ARHGAP6: variants seen among roughly 807,000 people sequenced by gnomAD.
ARHGAP6 encodes rho GTPase-activating protein 6.
ARHGAP6 carries 16 observed loss-of-function variants against 55.7 expected under a neutral mutation model. The observed-to-expected ratio is 0.29, with a 90% CI of 0.19 to 0.44. The LOEUF (loss-of-function observed/expected upper bound fraction) is 0.44, where lower values mean the gene tolerates loss of function less well. Ranked by LOEUF, ARHGAP6 falls within the 20% of genes least tolerant of loss-of-function variation. The pLI, the probability that ARHGAP6 is intolerant of heterozygous loss-of-function variation, is 1.00. For synonymous variants in ARHGAP6, 382 were observed against 360.9 expected (o/e 1.06, Z -0.66); for missense variants, 698 against 808.9 (o/e 0.86, Z 1.66).
intron 2 of ARHGAP6, among the ~76,000 whole-genome samples, chrX:11,252,884 A>G (rs1389383056): frequency 8.9e-6 from 1 of 111,993 alleles, no homozygotes; most frequent in Non-Finnish European, 1.9e-5. Context: ...TTTCTGGTCA[A>G]AGAACTGAGC....
intron 1 of ARHGAP6, among the ~76,000 whole-genome samples, chrX:11,329,099 T>C (rs191395131): frequency 8.9e-6 from 1 of 112,005 alleles, no homozygotes; most frequent in East Asian, 2.8e-4. Flanking sequence ...ATTCGACTAA[T>C]CCCATTACAC....
Position 11,569,853 on chromosome X carries a change from C to G in ARHGAP6, c.588+94388G>C, listed in dbSNP as rs1413605695. 3.5e-4 allele frequency among the ~76,000 whole-genome samples: 39 copies of G among 112,313 alleles called. 2 individuals carry two copies. The highest frequency in any genetic ancestry group is 3.8e-5 in the Non-Finnish European group (2 of 53,317). ...TCAACAGGCATTTCTGTTGCTGCCA[C>G]AGAGTCTTCCCTCCATGGCATTTAT... On this transcript the variant is annotated intron_variant, in intron 1 of 12. Transcript: ENST00000337414.
intron 2 of ARHGAP6, among the ~76,000 whole-genome samples, chrX:11,237,303 C>G (rs1441085443): frequency 8.9e-6 from 1 of 112,332 alleles, no homozygotes; most frequent in African/African-American, 3.2e-5. Context: ...AAATTTCCAG[C>G]CTCATGGGTG....
At chrX:11,426,951 G>A (rs1251928513) in intron 1 of ARHGAP6, among the ~76,000 whole-genome samples, 1 of 110,184 alleles carries the variant, frequency 9.1e-6, no homozygotes, top group African/African-American at 3.3e-5. Context: ...GCCACCATAA[G>A]GGAGGGGGAA....
At chrX:11,269,890 G>T (rs992913087) in intron 1 of ARHGAP6, among the ~76,000 whole-genome samples, 2 of 111,723 alleles carry the variant, frequency 1.8e-5, no homozygotes, top group Non-Finnish European at 3.8e-5. Flanking sequence ...TGACCTATTT[G>T]CACGGAGAGA....
intron 1 of ARHGAP6, among the ~76,000 whole-genome samples, chrX:11,569,377 AG>A (rs1231258289): frequency 1.8e-5 from 2 of 111,804 alleles, no homozygotes; most frequent in Non-Finnish European, 3.8e-5. Flanking sequence ...TAACATGGAA[AG>A]CAAAGGAGGC....
At chrX:11,522,072 T>C (rs1269946700) in intron 1 of ARHGAP6, among the ~76,000 whole-genome samples, 2 of 111,472 alleles carry the variant, frequency 1.8e-5, no homozygotes, top group Non-Finnish European at 3.8e-5. Context: ...GAACTCAGGA[T>C]TAAGAAACTC....
chrX:11,169,869 G>A (rs187525800), intron 8 of ARHGAP6, among the ~76,000 whole-genome samples, 185 bp from the exon 9 acceptor site: 1 of 109,864 alleles, frequency 9.1e-6, no homozygotes, highest in African/African-American at 3.3e-5. Flanking sequence ...TTGGATTGAA[G>A]CTCACAGTTC....
intron 1 of ARHGAP6, among the ~76,000 whole-genome samples, chrX:11,384,737 T>C (rs1361682860): frequency 8.9e-6 from 1 of 111,945 alleles, no homozygotes; most frequent in East Asian, 2.8e-4. Flanking sequence ...CCCAGACAAA[T>C]TAAATCAGAA....
chrX:11,199,221 G>A (rs1470406709), intron 2 of ARHGAP6, among the ~76,000 whole-genome samples: 1 of 111,920 alleles, frequency 8.9e-6, no homozygotes, highest in Admixed American at 9.5e-5. Context: ...TCTAGCTTGG[G>A]GTTATTAGGA....
In ARHGAP6 at chrX:11,236,537, C is replaced by T. The variant is rs376146578; in HGVS notation, c.748+18011G>A. 6.3e-5 allele frequency among the ~76,000 whole-genome samples: 7 copies of T among 111,140 alleles called. No individual in the cohort carries two copies. The South Asian group carries it at 1.5e-3, about 25-fold the overall frequency. On this transcript the variant is annotated intron_variant, in intron 2 of 12. Coordinates refer to ENST00000337414, the MANE Select transcript of ARHGAP6 (RefSeq NM_013427.3). ...GAGCCAGATACATGAACTGGCATGC[C>T]CAAGGTAACATAGAGTTAGAGAGGG...
chrX:11,609,454 G>A (rs1048451456), intron 1 of ARHGAP6, among the ~76,000 whole-genome samples: 1 of 111,349 alleles, frequency 9.0e-6, no homozygotes, highest in Non-Finnish European at 1.9e-5. Context: ...TATTACTTGA[G>A]GGCTATTCTC....
intron 1 of ARHGAP6, among the ~76,000 whole-genome samples, chrX:11,258,601 AAT>A (rs1291533140): frequency 8.9e-6 from 1 of 112,114 alleles, no homozygotes; most frequent in Non-Finnish European, 1.9e-5. Flanking sequence ...ACAATCAAAT[AAT>A]ATATGTTTTT....
At chrX:11,495,367 C>A (rs1375532962) in intron 1 of ARHGAP6, among the ~76,000 whole-genome samples, 1 of 111,987 alleles carries the variant, frequency 8.9e-6, no homozygotes, top group African/African-American at 3.2e-5. Flanking sequence ...TATGGACACA[C>A]AACCCAATCC....
chrX:11,337,286 T>TAA (rs1308457777), intron 1 of ARHGAP6, among the ~76,000 whole-genome samples: 1 of 111,851 alleles, frequency 8.9e-6, no homozygotes, highest in Non-Finnish European at 1.9e-5. Flanking sequence ...ACTATATATA[T>TAA]AATACGTCAC....
rs928295328 is a variant in ARHGAP6, at chrX:11,536,505, T to C, written c.588+127736A>G. Among the ~76,000 whole-genome samples, 3 of 112,212 alleles carry C rather than the reference T, an allele frequency of 2.7e-5. No homozygotes were observed. In the Admixed American group the frequency reaches 2.8e-4, roughly 11 times the overall value. ...TCTCTGTCTCACACCTCCGCTCCTC[T>C]ACTTTTATTCTCCAAATAAACTCCT... On this transcript the variant is annotated intron_variant, in intron 1 of 12. Transcript: ENST00000337414.
At position 11,449,928 on chromosome X, in the gene ARHGAP6, C is replaced by T. The variant is rs778506016; in HGVS notation, c.589-195221G>A. On this transcript the variant is annotated intron_variant, in intron 1 of 12. Transcript: ENST00000337414. ...GAAGCTCCACAATGCTGCTGGGGAACACTCTAAGACACACAGGTATGATAT... is the reference window on the plus strand; with the variant it reads ...GAAGCTCCACAATGCTGCTGGGGAATACTCTAAGACACACAGGTATGATAT... Among the ~76,000 whole-genome samples the T allele has an allele frequency of 1.4e-3, 156 of 111,634 alleles. 4 individuals are homozygous for T. Among genetic ancestry groups the T allele is most frequent in the Middle Eastern group, 9.2e-3 (2 of 217 alleles).
intron 1 of ARHGAP6, among the ~76,000 whole-genome samples, chrX:11,590,263 C>A (rs2051788489): frequency 9.0e-6 from 1 of 111,451 alleles, no homozygotes; most frequent in South Asian, 3.8e-4. Flanking sequence ...TATTATAATT[C>A]TTTGTATCTC....
At chrX:11,467,968 A>G (rs1296702239) in intron 1 of ARHGAP6, among the ~76,000 whole-genome samples, 4 of 103,420 alleles carry the variant, frequency 3.9e-5, no homozygotes, top group African/African-American at 1.4e-4. Flanking sequence ...CAACAGAACA[A>G]GACTCTGTCT....
Sources: allele counts gnomAD v4.1 joint callset (sites outside exome capture counted in the v4.1 genomes callset), GRCh38; gene constraint gnomAD v4.1.1; transcripts MANE v1.5; gene names NCBI Gene and HGNC (gene_info 2026-07-23, HGNC 2026-07-21).